SMYD3: variants seen among roughly 807,000 people sequenced by gnomAD.
SMYD3 encodes histone-lysine N-methyltransferase SMYD3.
SMYD3 carries 36 observed loss-of-function variants against 57.7 expected under a neutral mutation model. The ratio of observed to expected loss-of-function variants is 0.62; its 90% CI spans 0.48 to 0.82. The LOEUF (loss-of-function observed/expected upper bound fraction) is 0.82. Among genes scored for constraint, SMYD3 ranks in the 40% least tolerant of loss-of-function variants. The pLI is 0.00. For missense variants in SMYD3, 515 were observed against 538.8 expected (o/e 0.96, Z 0.44); for synonymous variants, 211 against 195.0 (o/e 1.08, Z -0.68).
intron 1 of SMYD3, among the ~76,000 whole-genome samples, chr1:246,458,162 G>A (rs965324544): frequency 5.9e-5 from 9 of 152,136 alleles, no homozygotes; most frequent in African/African-American, 1.9e-4. Context: ...GTGGGCACCC[G>A]AGGGTCAGGC....
At chr1:245,955,222 G>A (rs2057797448) in intron 5 of SMYD3, among the ~76,000 whole-genome samples, 1 of 151,694 alleles carries the variant, frequency 6.6e-6, no homozygotes, top group African/African-American at 2.4e-5. Context: ...CTCCTGAGTA[G>A]CTGGGACTAC....
At chr1:245,763,975 A>G in intron 11 of SMYD3, 66 bp downstream of exon 11, 2 of 1,203,054 alleles carry the variant, frequency 1.7e-6, no homozygotes, top group Non-Finnish European at 1.2e-6. Flanking sequence ...CAAATCACAA[A>G]GAGGCCCAGC....
chr1:246,485,613 C>CCG (rs2068175354), intron 1 of SMYD3, among the ~76,000 whole-genome samples: 2 of 151,570 alleles, frequency 1.3e-5, no homozygotes, highest in African/African-American at 4.9e-5. Flanking sequence ...GAGACCCCCC[C>CCG]CCACATCTCT....
chr1:245,753,852 T>C (rs1317889521), intron 11 of SMYD3, among the ~76,000 whole-genome samples: 1 of 152,232 alleles, frequency 6.6e-6, no homozygotes, highest in Non-Finnish European at 1.5e-5. Flanking sequence ...AGAGGACAAT[T>C]CTGGTTTAAT....
chr1:245,824,578 A>G (rs1200963910), intron 10 of SMYD3, among the ~76,000 whole-genome samples: 1 of 151,462 alleles, frequency 6.6e-6, no homozygotes, highest in Non-Finnish European at 1.5e-5. Context: ...ATTAGCAGCC[A>G]GGCACGTTGG....
intron 5 of SMYD3, among the ~76,000 whole-genome samples, chr1:245,985,105 G>A (rs532979955): frequency 6.6e-6 from 1 of 152,092 alleles, no homozygotes; most frequent in South Asian, 2.1e-4. Flanking sequence ...TCCCTATCCT[G>A]GATCTCCTAC....
At chr1:246,265,306 A>ATTTTT (rs78360899) in intron 5 of SMYD3, among the ~76,000 whole-genome samples, 5 of 148,266 alleles carry the variant, frequency 3.4e-5, no homozygotes, top group African/African-American at 1.2e-4. Context: ...TAATTTTTGT[A>ATTTTT]TTTTTTTTTT....
chr1:245,803,065 G>C (rs893695069), intron 10 of SMYD3, among the ~76,000 whole-genome samples: 12 of 152,222 alleles, frequency 7.9e-5, no homozygotes, highest in Non-Finnish European at 1.6e-4. Flanking sequence ...TGGCAGAGAA[G>C]CTCTACAGCT....
chr1:246,409,607 C>T (rs1030119338), intron 1 of SMYD3, among the ~76,000 whole-genome samples: 1 of 152,096 alleles, frequency 6.6e-6, no homozygotes, highest in Non-Finnish European at 1.5e-5. Flanking sequence ...AGTCAGGTAG[C>T]CTGATGCCTC....
intron 1 of SMYD3, among the ~76,000 whole-genome samples, chr1:246,504,849 A>G (rs1274527491): frequency 2.6e-5 from 4 of 152,258 alleles, no homozygotes; most frequent in Non-Finnish European, 2.9e-5. Context: ...AATTTTACTT[A>G]CAAGATGACA....
rs772251409 is a variant in SMYD3, at chr1:246,327,169, T to C, written c.531+32A>G. 3.7e-6 allele frequency: 6 copies of C among 1,611,864 alleles called. No homozygotes were observed. In the South Asian group the frequency reaches 4.4e-5, roughly 12 times the overall value. On this transcript the variant is annotated intron_variant, in intron 5 of 11. Coordinates refer to ENST00000490107, the MANE Select transcript of SMYD3 (RefSeq NM_001167740.2). ...AAATAAGGAGCAAATGGTTGATGTATGGAATTAGCAAAGAGCAAACTTAAC... is the reference window on the plus strand; with the variant it reads ...AAATAAGGAGCAAATGGTTGATGTACGGAATTAGCAAAGAGCAAACTTAAC...
chr1:246,103,694 A>G (rs900672266), intron 5 of SMYD3, among the ~76,000 whole-genome samples: 3 of 152,204 alleles, frequency 2.0e-5, no homozygotes, highest in Non-Finnish European at 4.4e-5. Context: ...AAAACTGATC[A>G]TGCCTTAAAA....
At chr1:245,846,461 T>C (rs2050671496) in intron 10 of SMYD3, among the ~76,000 whole-genome samples, 1 of 152,250 alleles carries the variant, frequency 6.6e-6, no homozygotes, top group Admixed American at 6.5e-5. Context: ...TTTATACTTT[T>C]CTAACAAAGC....
intron 5 of SMYD3, among the ~76,000 whole-genome samples, chr1:245,983,335 A>C (rs1451309295): frequency 6.6e-6 from 1 of 152,234 alleles, no homozygotes; most frequent in Non-Finnish European, 1.5e-5. Context: ...TATTTCCCCT[A>C]AAAACTAAAC....
intron 5 of SMYD3, among the ~76,000 whole-genome samples, chr1:246,087,166 T>C (rs976843710): frequency 7.2e-5 from 11 of 152,184 alleles, no homozygotes; most frequent in African/African-American, 2.7e-4. Context: ...TCAGAATAAG[T>C]AGAGCTTTTG....
chr1:246,403,098 T>C (rs943704249), intron 1 of SMYD3, among the ~76,000 whole-genome samples: 3 of 152,132 alleles, frequency 2.0e-5, no homozygotes, highest in East Asian at 3.8e-4. Context: ...TTTACTCTAT[T>C]TGTGGCTGAT....
At chr1:245,860,213 C>T (rs1378152462) in intron 9 of SMYD3, among the ~76,000 whole-genome samples, 1 of 152,128 alleles carries the variant, frequency 6.6e-6, no homozygotes, top group East Asian at 1.9e-4. Flanking sequence ...ACAATCCATG[C>T]TCTCTGTGCC....
chr1:246,347,185 G>A (rs2065736052), intron 2 of SMYD3, among the ~76,000 whole-genome samples: 1 of 152,016 alleles, frequency 6.6e-6, no homozygotes, highest in Non-Finnish European at 1.5e-5. Flanking sequence ...ACTGTGGAAT[G>A]ATTATATAAA....
chr1:245,794,832 G>C (rs2047452225), intron 10 of SMYD3, among the ~76,000 whole-genome samples: 1 of 151,924 alleles, frequency 6.6e-6, no homozygotes, highest in African/African-American at 2.4e-5. Context: ...GATTGGTTCT[G>C]TTCCTATTCT....
Sources: gnomAD v4.1 joint callset for allele counts (sites outside exome capture counted in the v4.1 genomes callset) on GRCh38, gnomAD v4.1.1 for gene constraint, MANE v1.5 for transcripts, NCBI Gene and HGNC (gene_info 2026-07-23, HGNC 2026-07-21) for gene names.